Variants in GSE1 observed in about 807,000 individuals in gnomAD.
GSE1 encodes genetic suppressor element 1.
GSE1 carries 32 observed loss-of-function variants against 112.6 expected under a neutral mutation model. The observed-to-expected ratio is 0.28, with a 90% CI of 0.21 to 0.38. GSE1 has a LOEUF of 0.38. Ranked by LOEUF, GSE1 falls within the 10% of genes least tolerant of loss-of-function variation. The probability of loss-of-function intolerance (pLI) is 1.00; values close to 1 mark genes in which losing one functional copy is unlikely to be tolerated. For synonymous variants in GSE1, 1,115 were observed against 735.6 expected (o/e 1.52, Z -8.35); for missense variants, 2,348 against 1,699.2 (o/e 1.38, Z -6.71).
chr16:85,467,433 G>T (rs2050155352), intron 2 of GSE1, among the ~76,000 whole-genome samples: 1 of 152,212 alleles, frequency 6.6e-6, no homozygotes, highest in South Asian at 2.1e-4. Context: ...GAATCTGGGG[G>T]TGCAGCTAGC....
chr16:85,666,573 C>A (rs1018922841), intron 13 of GSE1: 12 of 578,480 alleles, frequency 2.1e-5, no homozygotes, highest in African/African-American at 1.9e-4. Context: ...GGCACCAGCG[C>A]TGACGCTGTG....
intron 1 of GSE1, among the ~76,000 whole-genome samples, chr16:85,629,478 G>A (rs928860473): frequency 2.6e-5 from 4 of 152,236 alleles, no homozygotes; most frequent in Non-Finnish European, 5.9e-5. Context: ...CAGCCACCCA[G>A]CCTGCACCGG....
chr16:85,261,248 C>T (rs576001901), intron 1 of GSE1, among the ~76,000 whole-genome samples: 1 of 152,244 alleles, frequency 6.6e-6, no homozygotes, highest in Non-Finnish European at 1.5e-5. Context: ...CCTAACCATA[C>T]CCAGTGTCGT....
intron 1 of GSE1, among the ~76,000 whole-genome samples, chr16:85,261,486 G>T (rs1410606495): frequency 6.6e-6 from 1 of 152,240 alleles, no homozygotes; most frequent in Non-Finnish European, 1.5e-5. Flanking sequence ...CGCAGAGTGG[G>T]TAGGCACATC....
chr16:85,440,806 G>A (rs1245252631), intron 2 of GSE1, among the ~76,000 whole-genome samples: 1 of 152,214 alleles, frequency 6.6e-6, no homozygotes. Flanking sequence ...TGGAAACTGT[G>A]GGCTGCAGTG....
chr16:85,467,704 C>T (rs938103730), intron 2 of GSE1, among the ~76,000 whole-genome samples: 10 of 152,186 alleles, frequency 6.6e-5, no homozygotes, highest in African/African-American at 2.4e-4. Context: ...CGCAGCATCA[C>T]TTCTATGGTG....
chr16:85,395,051 G>A (rs961713390), intron 2 of GSE1, among the ~76,000 whole-genome samples: 3 of 152,132 alleles, frequency 2.0e-5, no homozygotes, highest in Non-Finnish European at 4.4e-5. Flanking sequence ...TTCTCGACGC[G>A]GGGAATGGGG....
At chr16:85,221,858 T>C (rs1236204336) in intron 1 of GSE1, among the ~76,000 whole-genome samples, 4 of 152,178 alleles carry the variant, frequency 2.6e-5, no homozygotes, top group Non-Finnish European at 5.9e-5. Context: ...CAGTCCCGCT[T>C]GGAGCCCTCA....
chr16:85,181,438 T>G (rs1226726952), intron 1 of GSE1, among the ~76,000 whole-genome samples: 1 of 152,196 alleles, frequency 6.6e-6, no homozygotes, highest in Non-Finnish European at 1.5e-5. Context: ...GCCCTGGAGT[T>G]CAGGGGTGCT....
chr16:85,336,288 A>G (rs1052008042), intron 1 of GSE1, among the ~76,000 whole-genome samples: 1 of 152,158 alleles, frequency 6.6e-6, no homozygotes, highest in Non-Finnish European at 1.5e-5. Flanking sequence ...CGTTCCCTTG[A>G]TTATTCATTC....
chr16:85,254,695 C>T (rs772177798), intron 1 of GSE1, among the ~76,000 whole-genome samples: 5 of 152,160 alleles, frequency 3.3e-5, no homozygotes, highest in East Asian at 1.9e-4. Flanking sequence ...TGCTCCTGGG[C>T]GGCAGCACTG....
At position 85,655,791 on chromosome 16, in the gene GSE1, C is replaced by T. The variant is rs1394011709; in HGVS notation, c.863C>T (p.Ser288Phe). 3.1e-6 allele frequency: 5 copies of T among 1,605,520 alleles called. No individual in the cohort carries two copies. The highest frequency in any genetic ancestry group is 4.3e-6 in the Non-Finnish European group (5 of 1,173,868). The change falls in exon 6 of 16, where the codon TCC becomes TTC. Residue 288 changes from serine to phenylalanine, a missense_variant. Physicochemically the swap from Ser to Phe is radical, Grantham distance 155. Coordinates refer to ENST00000253458, the MANE Select transcript of GSE1 (RefSeq NM_014615.5). ...SPFYPIPTPG[S>F]LPPLHPSAMH... ...TTCTACCCCATCCCCACCCCCGGCT[C>T]CCTGCCCCCACTGCACCCATCAGCG...
chr16:85,524,811 C>T (rs2052310136), intron 2 of GSE1, among the ~76,000 whole-genome samples: 1 of 152,090 alleles, frequency 6.6e-6, no homozygotes. Flanking sequence ...ACATTTACAC[C>T]CTAGGGAAAC....
intron 1 of GSE1, among the ~76,000 whole-genome samples, chr16:85,295,319 G>C (rs144525691): frequency 1.3e-5 from 2 of 152,260 alleles, no homozygotes; most frequent in African/African-American, 4.8e-5. Flanking sequence ...GACCAGCCTG[G>C]GGCGAAACCC....
At chr16:85,227,991 G>T (rs976958390) in intron 1 of GSE1, among the ~76,000 whole-genome samples, 2 of 152,180 alleles carry the variant, frequency 1.3e-5, no homozygotes, top group Non-Finnish European at 2.9e-5. Flanking sequence ...AGGGGGTGTG[G>T]TGGGGAGCAG....
At chr16:85,193,354 T>C (rs1027652569) in intron 1 of GSE1, among the ~76,000 whole-genome samples, 6 of 152,218 alleles carry the variant, frequency 3.9e-5, no homozygotes, top group African/African-American at 1.4e-4. Context: ...ATTTTTATTT[T>C]TTTGTAGAGG....
rs182681388 is a variant in GSE1 at position 85,327,693 on chromosome 16, G to T, written c.2284-29770G>T. Among the ~76,000 whole-genome samples the T allele has an allele frequency of 2.9e-4, 44 of 152,338 alleles. 1 individual carries two copies. In the East Asian group the frequency reaches 7.9e-3, roughly 27 times the overall value. The stretch of plus-strand genomic sequence containing the variant: ...CTGTTGTGGCCATTTTTGGAAACTA[G>T]AATCTGGCACACATTGTGTTTGTTC... On this transcript the variant is annotated intron_variant, in intron 1 of 2. Transcript: ENST00000637419.
intron 1 of GSE1, among the ~76,000 whole-genome samples, chr16:85,340,533 C>T (rs144115986): frequency 3.6e-4 from 54 of 152,014 alleles, no homozygotes; most frequent in African/African-American, 1.2e-3. Context: ...CCCAGACACT[C>T]GGGAGGCTGA....
intron 1 of GSE1, among the ~76,000 whole-genome samples, chr16:85,250,547 T>G (rs1445785213): frequency 2.0e-5 from 3 of 152,238 alleles, no homozygotes; most frequent in Non-Finnish European, 2.9e-5. Context: ...ATGCTGCTGA[T>G]CAGCAAAACA....
Sources: allele counts gnomAD v4.1 joint callset (sites outside exome capture counted in the v4.1 genomes callset), GRCh38; gene constraint gnomAD v4.1.1; transcripts MANE v1.5; gene names NCBI Gene and HGNC (gene_info 2026-07-23, HGNC 2026-07-21).